The following SLC17A1 variants were observed in gnomAD, a reference collection of about 807,000 sequenced individuals.
SLC17A1 encodes the protein solute carrier family 17 member 1.
In SLC17A1, 51 loss-of-function variants were observed where a neutral mutation model predicts 53.5. The observed-to-expected ratio is 0.95, with a 90% CI of 0.76 to 1.20. The LOEUF is 1.20. Among genes scored for constraint, SLC17A1 ranks in the 50% most tolerant of loss-of-function variants. SLC17A1 has a pLI of 0.00. For synonymous variants in SLC17A1, 179 were observed against 198.8 expected (o/e 0.90, Z 0.84); for missense variants, 538 against 568.2 (o/e 0.95, Z 0.54).
In SLC17A1 at chr6:25,826,447, A is replaced by T; in HGVS notation, c.207+14T>A. 6.3e-7 allele frequency: 1 copy of T among 1,581,696 alleles called. No individual in the cohort carries two copies. The highest frequency in any genetic ancestry group is 1.2e-5 in the South Asian group (1 of 86,376). ...CTTTTAAACATTTGACTGTGGGGAA[A>T]ATTATTGATGTACCTTTATATTATC... On this transcript the variant is annotated intron_variant, in intron 3 of 12. Coordinates refer to ENST00000244527, the MANE Select transcript of SLC17A1 (RefSeq NM_005074.5).
chr6:25,726,879 C>A, the SLC17A1 span: 5 of 1,582,592 alleles, frequency 3.2e-6, no homozygotes, highest in Non-Finnish European at 4.3e-6. Context: ...GGAAAAGAAC[C>A]GTGTAACGCT....
the SLC17A1 span, among the ~76,000 whole-genome samples, chr6:25,734,378 G>C: frequency 6.6e-6 from 1 of 152,066 alleles, no homozygotes; most frequent in African/African-American, 2.4e-5. Context: ...AAAGCAGTGA[G>C]GATTAAGATG....
At chr6:25,759,269 T>A in the SLC17A1 span, among the ~76,000 whole-genome samples, 1 of 152,202 alleles carries the variant, frequency 6.6e-6, no homozygotes, top group African/African-American at 2.4e-5. Context: ...GAATGTATAT[T>A]CTGCAGTTGT....
rs1764482428 is a variant in SLC17A1 at position 25,819,686 on chromosome 6, G to A, written c.437C>T (p.Ala146Val). The change falls in exon 4 of 13, where the codon GCC becomes GTC. Residue 146 changes from alanine to valine, a missense_variant. Coordinates refer to ENST00000244527, the MANE Select transcript of SLC17A1 (RefSeq NM_005074.5). Reference protein sequence around the residue: ...VVVCRAVQGAAQGIVATAQFE... With the variant: ...VVVCRAVQGAVQGIVATAQFE... Reference sequence around the variant, plus strand: ...GTTTTAGCATTATTTTAATACCTGGGCTGCTCCCTGAACTGCTCGACATAC... The same window carrying A: ...GTTTTAGCATTATTTTAATACCTGGACTGCTCCCTGAACTGCTCGACATAC... 2 of 1,613,926 alleles carry A rather than the reference G, an allele frequency of 1.2e-6. No individual in the cohort carries two copies. Among genetic ancestry groups the A allele is most frequent in the Non-Finnish European group, 1.7e-6 (2 of 1,179,844 alleles).
intron 10 of SLC17A1, among the ~76,000 whole-genome samples, chr6:25,801,783 G>A (rs1763769892): frequency 6.6e-6 from 1 of 152,102 alleles, no homozygotes; most frequent in South Asian, 2.1e-4. Flanking sequence ...ATGGGAGGAG[G>A]TGCCTGTTTT....
intron 6 of SLC17A1, among the ~76,000 whole-genome samples, chr6:25,818,666 C>T (rs1316428047): frequency 1.3e-5 from 2 of 152,126 alleles, no homozygotes; most frequent in East Asian, 1.9e-4. Context: ...CTAGTTTGCA[C>T]AGATTTCATT....
chr6:25,795,903 A>G (rs965549636), intron 12 of SLC17A1, among the ~76,000 whole-genome samples: 2 of 152,238 alleles, frequency 1.3e-5, no homozygotes, highest in African/African-American at 4.8e-5. Flanking sequence ...AAATTGTAAC[A>G]TCAGAATATA....
chr6:25,813,256 A>G, intron 6 of SLC17A1, 43 bp from the exon 7 acceptor site: 1 of 1,470,690 alleles, frequency 6.8e-7, no homozygotes. Flanking sequence ...CTCTGTTTGT[A>G]GTGGATCTCT....
At chr6:25,786,630 C>G (rs1247574352) in intron 12 of SLC17A1, among the ~76,000 whole-genome samples, 1 of 152,110 alleles carries the variant, frequency 6.6e-6, no homozygotes, top group African/African-American at 2.4e-5. Flanking sequence ...CATTTCCTGC[C>G]TTGTCAGCCT....
chr6:25,819,467 G>C (rs149377750), intron 5 of SLC17A1, 44 bp downstream of exon 5: 1 of 1,423,166 alleles, frequency 7.0e-7, no homozygotes, highest in East Asian at 2.3e-5. Context: ...GTAATACAAT[G>C]AGATGAAGAT....
At chr6:25,811,898 A>G (rs748369423) in intron 8 of SLC17A1, 128 bp from the exon 9 acceptor site, 171 of 986,806 alleles carry the variant, frequency 1.7e-4, no homozygotes, top group Non-Finnish European at 2.4e-4. Context: ...TCAACATACA[A>G]CAACAGAATT....
At chr6:25,797,500 T>C (rs551251857) in intron 12 of SLC17A1, among the ~76,000 whole-genome samples, 36 of 152,314 alleles carry the variant, frequency 2.4e-4, no homozygotes, top group African/African-American at 8.2e-4. Flanking sequence ...TATTTCTTTA[T>C]AGACTTATCA....
At chr6:25,764,054 C>T in the SLC17A1 span, among the ~76,000 whole-genome samples, 15 of 152,290 alleles carry the variant, frequency 9.8e-5, no homozygotes, top group African/African-American at 2.9e-4. Context: ...CCATGTGCAT[C>T]ACAAAGTGGG....
chr6:25,826,426 T>C (rs776652328), intron 3 of SLC17A1, 35 bp downstream of exon 3: 2 of 1,535,352 alleles, frequency 1.3e-6, no homozygotes, highest in Non-Finnish European at 1.8e-6. Flanking sequence ...GACAGGCTTT[T>C]AAACATTTGA....
the SLC17A1 span, chr6:25,769,985 T>C: frequency 3.1e-5 from 37 of 1,185,584 alleles, no homozygotes; most frequent in East Asian, 8.7e-4. Context: ...AACTGCCAAT[T>C]AATTTTTGCC....
chr6:25,758,918 T>C, the SLC17A1 span, among the ~76,000 whole-genome samples: 3 of 152,212 alleles, frequency 2.0e-5, no homozygotes, highest in Non-Finnish European at 4.4e-5. Context: ...TTCAGACTTT[T>C]TGATGTAGGC....
At chr6:25,795,272 A>T (rs144451280) in intron 12 of SLC17A1, among the ~76,000 whole-genome samples, 1 of 152,346 alleles carries the variant, frequency 6.6e-6, no homozygotes, top group Non-Finnish European at 1.5e-5. Context: ...GGGGAATTAC[A>T]GGTTTACGTA....
At chr6:25,738,968 C>A in the SLC17A1 span, among the ~76,000 whole-genome samples, 1 of 152,136 alleles carries the variant, frequency 6.6e-6, no homozygotes, top group Non-Finnish European at 1.5e-5. Context: ...CCTTGGGAAA[C>A]ATTTTGCAGT....
chr6:25,731,028 A>T, the SLC17A1 span, among the ~76,000 whole-genome samples: 1 of 152,236 alleles, frequency 6.6e-6, no homozygotes, highest in Non-Finnish European at 1.5e-5. Context: ...GTACTCATGG[A>T]TATAGAGAAT....
Sources: gnomAD v4.1 joint callset for allele counts (sites outside exome capture counted in the v4.1 genomes callset) on GRCh38, gnomAD v4.1.1 for gene constraint, MANE v1.5 for transcripts, NCBI Gene and HGNC (gene_info 2026-07-23, HGNC 2026-07-21) for gene names.